The following EXD3 variants were observed in gnomAD, a reference collection of about 807,000 sequenced individuals.
EXD3 encodes the protein exonuclease mut-7 homolog.
In EXD3, 92 loss-of-function variants were observed where a neutral mutation model predicts 98.0. That is an observed-to-expected ratio of 0.94 (90% CI 0.79 to 1.12). The LOEUF is 1.12. EXD3 is among the 50% of genes most tolerant of loss of function. EXD3 has a pLI of 0.00. For synonymous variants in EXD3, 569 were observed against 526.0 expected (o/e 1.08, Z -1.12); for missense variants, 1,222 against 1,191.6 (o/e 1.03, Z -0.38).
At chr9:137,348,019 C>T (rs1834023081) in intron 17 of EXD3, 52 bp downstream of exon 17, 5 of 1,564,400 alleles carry the variant, frequency 3.2e-6, no homozygotes, top group African/African-American at 1.4e-5. Flanking sequence ...CACACCTGTG[C>T]TAGGGGCAGC....
chr9:137,318,669 C>A lies in EXD3; in HGVS notation c.2184+5056G>T, dbSNP rs572823364. On this transcript the variant is annotated intron_variant, in intron 19 of 21. Transcript: ENST00000340951. ...CCTGCCCTCTACTTGAGACCCACAG[C>A]CACTGTGGCTTCTGTGGGTGGGCCG... Among the ~76,000 whole-genome samples the A allele has an allele frequency of 1.8e-4, 28 of 152,300 alleles. 1 individual carries two copies. In the South Asian group the frequency reaches 5.8e-3, roughly 32 times the overall value.
At chr9:137,313,897 C>T (rs1053112109) in intron 19 of EXD3, among the ~76,000 whole-genome samples, 2 of 152,208 alleles carry the variant, frequency 1.3e-5, no homozygotes, top group Non-Finnish European at 2.9e-5. Flanking sequence ...AAAGGGTGCC[C>T]AGCACCTTCC....
chr9:137,334,606 T>C (rs1833258865), intron 17 of EXD3, among the ~76,000 whole-genome samples: 1 of 152,122 alleles, frequency 6.6e-6, no homozygotes, highest in South Asian at 2.1e-4. Context: ...AAGACTTAGA[T>C]GTAAGACTCG....
At chr9:137,345,133 C>T (rs369483970) in intron 17 of EXD3, among the ~76,000 whole-genome samples, 12 of 152,388 alleles carry the variant, frequency 7.9e-5, no homozygotes, top group East Asian at 3.9e-4. Flanking sequence ...TGGCGTTTCC[C>T]GCCACTACCT....
intron 1 of EXD3, among the ~76,000 whole-genome samples, chr9:137,404,096 T>A (rs561538522): frequency 6.6e-6 from 1 of 152,286 alleles, no homozygotes; most frequent in African/African-American, 2.4e-5. Flanking sequence ...CCCATGTGCG[T>A]CTGTGTCCTG....
intron 16 of EXD3, 36 bp from the exon 17 acceptor site, chr9:137,348,274 C>T (rs58941960): frequency 0.14 from 227,013 of 1,584,586 alleles, 18,905 homozygotes; most frequent in Admixed American, 0.32. Context: ...CCCACGGTCA[C>T]CCCCCAGCCC....
At chr9:137,318,865 C>T (rs1831862271) in intron 19 of EXD3, among the ~76,000 whole-genome samples, 1 of 152,246 alleles carries the variant, frequency 6.6e-6, no homozygotes, top group Non-Finnish European at 1.5e-5. Flanking sequence ...GGCCAGGCCC[C>T]TGGCCCAGCT....
At chr9:137,412,037 C>A (rs1838028753) in intron 1 of EXD3, among the ~76,000 whole-genome samples, 1 of 152,184 alleles carries the variant, frequency 6.6e-6, no homozygotes, top group Non-Finnish European at 1.5e-5. Flanking sequence ...CGATGGGGGG[C>A]TCCCAGGCTC....
intron 19 of EXD3, among the ~76,000 whole-genome samples, chr9:137,311,197 C>T (rs917627405): frequency 3.9e-5 from 6 of 152,226 alleles, no homozygotes; most frequent in African/African-American, 7.2e-5. Flanking sequence ...CTTCCTCTTC[C>T]GCTAGCTCCC....
At chr9:137,421,589 C>T (rs1029813777) in intron 1 of EXD3, among the ~76,000 whole-genome samples, 1 of 152,220 alleles carries the variant, frequency 6.6e-6, no homozygotes, top group Non-Finnish European at 1.5e-5. Context: ...ATAACCCCAG[C>T]ACTTTGGGAG....
Position 137,339,417 on chromosome 9 carries a change from CAT to C in EXD3, c.1998+8652_1998+8653del, listed in dbSNP as rs1833534760. ...GGTGCCACATGCCTGTAGTCCCAGCCATAGTCTCACTGAGGTGGGAGGATCAC... is the reference window on the plus strand; with the variant it reads ...GGTGCCACATGCCTGTAGTCCCAGCCAGTCTCACTGAGGTGGGAGGATCAC... On this transcript the variant is annotated intron_variant, in intron 17 of 21. Transcript: ENST00000340951. 2.0e-5 allele frequency among the ~76,000 whole-genome samples: 3 copies of C among 149,712 alleles called. No homozygotes were observed. The East Asian group carries it at 5.9e-4, about 29-fold the overall frequency.
rs773954632 is a variant in EXD3 at position 137,354,794 on chromosome 9, A to G, written c.758-21T>C. ...CAGCGCTGAAAGGAAAGGCCAGCTC[A>G]GCACTGAGGGCTCAGGGCAGCCTCA... On this transcript the variant is annotated intron_variant, in intron 8 of 21. Coordinates refer to ENST00000340951, the MANE Select transcript of EXD3 (RefSeq NM_017820.5). 15 of 1,602,908 alleles carry G rather than the reference A, an allele frequency of 9.4e-6. No individual in the cohort carries two copies. The South Asian group carries it at 1.7e-4, about 18-fold the overall frequency.
chr9:137,417,505 C>T (rs1588447135), intron 1 of EXD3, among the ~76,000 whole-genome samples: 1 of 152,168 alleles, frequency 6.6e-6, no homozygotes, highest in African/African-American at 2.4e-5. Flanking sequence ...CCCACCCGTT[C>T]CTCGGAAAGT....
At chr9:137,340,553 T>C (rs943568487) in intron 17 of EXD3, among the ~76,000 whole-genome samples, 1 of 151,814 alleles carries the variant, frequency 6.6e-6, no homozygotes, top group Non-Finnish European at 1.5e-5. Flanking sequence ...TTTAATGAGG[T>C]CTTGCTGTGT....
chr9:137,366,507 G>A lies in EXD3; in HGVS notation c.642C>T (p.Ile214=), dbSNP rs1427816141. 1.0e-5 allele frequency: 16 copies of A among 1,550,708 alleles called. No individual in the cohort carries two copies. The highest frequency in any genetic ancestry group is 2.0e-5 in the Admixed American group (1 of 51,018). The change falls in exon 7 of 22, where the codon ATC becomes ATT. Residue 214 remains isoleucine (I), a synonymous_variant. Transcript: ENST00000340951. ...ACGGGACTCACCTGGCAACGTCCTT[G>A]ATGTCAAAGCCGGGCTGGCACCAGG... ...MDSWCQPGFD[I]KDVARRYPEV...
chr9:137,388,723 G>A (rs890784189), intron 2 of EXD3, among the ~76,000 whole-genome samples: 8 of 152,130 alleles, frequency 5.3e-5, no homozygotes, highest in East Asian at 1.9e-4. Context: ...GGGTCTCCCC[G>A]GCAGCTGGCT....
chr9:137,404,288 C>T, intron 1 of EXD3, among the ~76,000 whole-genome samples: 1 of 152,158 alleles, frequency 6.6e-6, no homozygotes, highest in East Asian at 1.9e-4. Context: ...CCAACAGAGG[C>T]AGAGGCTCCC....
In EXD3 at chr9:137,349,445, G is replaced by A. The variant is rs1343705057; in HGVS notation, c.1581C>T (p.Gly527=). Residue 527 remains glycine (G), a synonymous_variant, in exon 15 of 22, where the codon GGC becomes GGT. Transcript: ENST00000340951. The surrounding 1 kb of genome is among the most constrained non-coding windows in gnomAD (Gnocchi z 7.4). Reference sequence around the variant, plus strand: ...GCTGCTGCGTCTTGTCCAGGGCTGTGCCCAGCACCTGCTGCACCAGGAGGC... The same window carrying A: ...GCTGCTGCGTCTTGTCCAGGGCTGTACCCAGCACCTGCTGCACCAGGAGGC... ...GLSLLVQQVL[G]TALDKTQQLS... 2.5e-6 allele frequency: 4 copies of A among 1,602,224 alleles called. No individual in the cohort carries two copies. Among genetic ancestry groups the A allele is most frequent in the Non-Finnish European group, 3.4e-6 (4 of 1,177,760 alleles).
intron 19 of EXD3, among the ~76,000 whole-genome samples, chr9:137,314,630 G>A (rs1448175716): frequency 2.0e-5 from 3 of 146,990 alleles, no homozygotes; most frequent in South Asian, 2.4e-4. Flanking sequence ...CCAGGGCCCC[G>A]GAAGGGCAGT....
Sources: allele counts gnomAD v4.1 joint callset (sites outside exome capture counted in the v4.1 genomes callset), GRCh38; gene constraint gnomAD v4.1.1; non-coding constraint Gnocchi (gnomAD v3.1); transcripts MANE v1.5; gene names NCBI Gene and HGNC (gene_info 2026-07-23, HGNC 2026-07-21).